ATRNL1: variants seen among roughly 807,000 people sequenced by gnomAD.
The protein encoded by ATRNL1 is attractin like 1, also known as attractin-like protein 1.
A neutral mutation model predicts 182.7 loss-of-function variants in ATRNL1; 95 were observed. The ratio of observed to expected loss-of-function variants is 0.52; its 90% CI spans 0.44 to 0.62. The LOEUF (loss-of-function observed/expected upper bound fraction) is 0.62. Among genes scored for constraint, ATRNL1 ranks in the 20% least tolerant of loss-of-function variants. The pLI, the probability that ATRNL1 is intolerant of heterozygous loss-of-function variation, is 0.00. For missense variants in ATRNL1, 1,471 were observed against 1,679.5 expected (o/e 0.88, Z 2.17); for synonymous variants, 576 against 568.3 (o/e 1.01, Z -0.19).
At chr10:115,097,630 A>G (rs2143380418) in intron 1 of ATRNL1, among the ~76,000 whole-genome samples, 1 of 152,260 alleles carries the variant, frequency 6.6e-6, no homozygotes, top group South Asian at 2.1e-4. Context: ...AAGCTGTTAA[A>G]AATATATGCA....
intron 27 of ATRNL1, among the ~76,000 whole-genome samples, chr10:115,808,156 G>A (rs1294639855): frequency 1.3e-5 from 2 of 152,102 alleles, no homozygotes; most frequent in Non-Finnish European, 2.9e-5. Flanking sequence ...AATATATTTA[G>A]TAACAAATTT....
intron 1 of ATRNL1, among the ~76,000 whole-genome samples, chr10:115,106,799 T>G (rs1157391621): frequency 1.3e-5 from 2 of 152,182 alleles, no homozygotes; most frequent in African/African-American, 4.8e-5. Flanking sequence ...TTAAATCTCC[T>G]TTTCTTCCCA....
chr10:115,592,517 A>G (rs1855974271), intron 26 of ATRNL1, among the ~76,000 whole-genome samples: 1 of 152,146 alleles, frequency 6.6e-6, no homozygotes. Flanking sequence ...TAGCAGACCC[A>G]CGCAGCTCTA....
intron 27 of ATRNL1, among the ~76,000 whole-genome samples, chr10:115,792,667 G>T (rs1298649771): frequency 1.3e-5 from 2 of 151,676 alleles, no homozygotes; most frequent in East Asian, 3.9e-4. Flanking sequence ...TTTGATAAAG[G>T]ATATTCAAAA....
chr10:115,365,707 T>A (rs1433982264), intron 19 of ATRNL1, among the ~76,000 whole-genome samples: 1 of 151,928 alleles, frequency 6.6e-6, no homozygotes, highest in Non-Finnish European at 1.5e-5. Flanking sequence ...TCCCAGAGAT[T>A]CTGGTATGTT....
At chr10:115,533,537 T>A (rs1437339024) in intron 25 of ATRNL1, among the ~76,000 whole-genome samples, 1 of 152,176 alleles carries the variant, frequency 6.6e-6, no homozygotes, top group Non-Finnish European at 1.5e-5. Context: ...ATTTTGTTGA[T>A]CCTTTCAAAA....
chr10:115,930,680 C>T (rs1445828704), intron 28 of ATRNL1, among the ~76,000 whole-genome samples: 1 of 152,144 alleles, frequency 6.6e-6, no homozygotes, highest in African/African-American at 2.4e-5. Context: ...TTTAAAATCT[C>T]GTACAAAGAC....
At chr10:115,512,697 A>G (rs1850449113) in intron 24 of ATRNL1, among the ~76,000 whole-genome samples, 1 of 151,954 alleles carries the variant, frequency 6.6e-6, no homozygotes, top group Non-Finnish European at 1.5e-5. Flanking sequence ...GGGAAAAGAC[A>G]TTTTAACTAA....
At chr10:115,109,066 A>G (rs911952686) in intron 1 of ATRNL1, among the ~76,000 whole-genome samples, 1 of 152,130 alleles carries the variant, frequency 6.6e-6, no homozygotes, top group Non-Finnish European at 1.5e-5. Flanking sequence ...TGTAATCTCT[A>G]CAAAGTTTTA....
intron 27 of ATRNL1, among the ~76,000 whole-genome samples, chr10:115,786,446 C>G (rs1346407478): frequency 6.6e-6 from 1 of 152,126 alleles, no homozygotes; most frequent in Non-Finnish European, 1.5e-5. Context: ...TTTCTACGTT[C>G]GGGTGGTTCC....
intron 19 of ATRNL1, among the ~76,000 whole-genome samples, chr10:115,339,040 C>T (rs757425206): frequency 3.9e-5 from 6 of 152,078 alleles, no homozygotes; most frequent in Admixed American, 6.6e-5. Context: ...GTAGCTGTGT[C>T]GATTTGTTTC....
At chr10:115,598,416 T>C (rs1193329820) in intron 26 of ATRNL1, among the ~76,000 whole-genome samples, 2 of 149,106 alleles carry the variant, frequency 1.3e-5, no homozygotes, top group African/African-American at 5.0e-5. Context: ...CTGGCTGGGG[T>C]GCAGAGGCGT....
intron 26 of ATRNL1, among the ~76,000 whole-genome samples, chr10:115,666,189 A>G (rs1336316341): frequency 2.0e-5 from 3 of 152,218 alleles, no homozygotes; most frequent in African/African-American, 7.2e-5. Flanking sequence ...GTAGGAATAT[A>G]CAATTTTAAA....
Position 115,334,406 on chromosome 10 carries a change from T to C in ATRNL1, c.3162T>C (p.Gly1054=), listed in dbSNP as rs782076004. ...MPGYYGDPTN[G]GQCTACTCSG... ...GTTATTATGGAGATCCAACCAATGG[T>C]GGACAGTGCACAGGTAAGTTTCTTT... The change falls in exon 19 of 29, where the codon GGT becomes GGC. Residue 1054 remains glycine (G), a synonymous_variant. Coordinates refer to ENST00000355044, the MANE Select transcript of ATRNL1 (RefSeq NM_207303.4). 1.9e-6 allele frequency: 3 copies of C among 1,593,844 alleles called. No individual in the cohort carries two copies. The highest frequency in any genetic ancestry group is 2.3e-5 in the South Asian group (2 of 87,984).
At chr10:115,509,893 A>C (rs1204014785) in intron 24 of ATRNL1, among the ~76,000 whole-genome samples, 1 of 151,998 alleles carries the variant, frequency 6.6e-6, no homozygotes, top group Non-Finnish European at 1.5e-5. Flanking sequence ...TCATCATTCT[A>C]ATTGCCTTTG....
intron 17 of ATRNL1, among the ~76,000 whole-genome samples, chr10:115,309,382 G>A (rs577528847): frequency 2.0e-5 from 3 of 152,140 alleles, no homozygotes; most frequent in Non-Finnish European, 4.4e-5. Context: ...TTATTCTCAT[G>A]ATATCAGTTC....
intron 5 of ATRNL1, among the ~76,000 whole-genome samples, chr10:115,158,548 A>C (rs890858788): frequency 2.6e-5 from 4 of 152,064 alleles, no homozygotes; most frequent in African/African-American, 9.7e-5. Flanking sequence ...TATTATCATT[A>C]TCAAAGAGAT....
chr10:115,428,871 A>G (rs1231913454), intron 21 of ATRNL1, among the ~76,000 whole-genome samples: 7 of 152,102 alleles, frequency 4.6e-5, no homozygotes, highest in Non-Finnish European at 8.8e-5. Context: ...AGCAATGTAT[A>G]GTTTGGTTGT....
chr10:115,391,801 T>A (rs980146627), intron 19 of ATRNL1, among the ~76,000 whole-genome samples: 4 of 152,022 alleles, frequency 2.6e-5, no homozygotes, highest in African/African-American at 7.2e-5. Context: ...GTTTTTTTTT[T>A]AATCCAGATA....
Sources: gnomAD v4.1 joint callset for allele counts (sites outside exome capture counted in the v4.1 genomes callset) on GRCh38, gnomAD v4.1.1 for gene constraint, MANE v1.5 for transcripts, NCBI Gene and HGNC (gene_info 2026-07-23, HGNC 2026-07-21) for gene names.